The following FSTL4 variants were observed in gnomAD, a reference collection of about 807,000 sequenced individuals.
FSTL4 encodes follistatin-related protein 4.
FSTL4 carries 28 observed loss-of-function variants against 78.2 expected under a neutral mutation model. That is an observed-to-expected ratio of 0.36 (90% CI 0.27 to 0.49). The LOEUF is 0.49. Ranked by LOEUF, FSTL4 falls within the 20% of genes least tolerant of loss-of-function variation. The probability of loss-of-function intolerance (pLI) is 0.98; values close to 1 mark genes in which losing one functional copy is unlikely to be tolerated. For missense variants in FSTL4, 922 were observed against 1,084.9 expected (o/e 0.85, Z 2.11); for synonymous variants, 422 against 440.5 (o/e 0.96, Z 0.53).
At chr5:133,641,273 A>AAC in the FSTL4 span, among the ~76,000 whole-genome samples, 1 of 151,440 alleles carries the variant, frequency 6.6e-6, no homozygotes, top group Non-Finnish European at 1.5e-5. Flanking sequence ...CAAAAACAAA[A>AAC]AAAAACACGT....
chr5:133,638,778 G>T, the FSTL4 span, among the ~76,000 whole-genome samples: 108,285 of 150,816 alleles, frequency 0.72, 38,695 homozygotes, highest in African/African-American at 0.78. Context: ...AGGGCTGGAC[G>T]TTTTTTCGTA....
At chr5:133,251,907 A>C (rs6596116) in intron 6 of FSTL4, among the ~76,000 whole-genome samples, 7,231 of 152,214 alleles carry the variant, frequency 0.048, 554 homozygotes, top group African/African-American at 0.16. Flanking sequence ...ACCCGCGAGT[A>C]CACCAGACTG....
chr5:133,654,560 T>C, the FSTL4 span, among the ~76,000 whole-genome samples: 1 of 152,204 alleles, frequency 6.6e-6, no homozygotes, highest in African/African-American at 2.4e-5. Flanking sequence ...CTCTATGGTT[T>C]TCCAGGGATC....
At chr5:133,740,280 C>T in the FSTL4 span, among the ~76,000 whole-genome samples, 1 of 152,274 alleles carries the variant, frequency 6.6e-6, no homozygotes, top group African/African-American at 2.4e-5. Context: ...ACATCAAACT[C>T]TAAGAGTGGG....
At chr5:133,713,606 T>C in the FSTL4 span, among the ~76,000 whole-genome samples, 1 of 152,174 alleles carries the variant, frequency 6.6e-6, no homozygotes, top group Admixed American at 6.5e-5. Flanking sequence ...TGGAGGATCC[T>C]TCCATCTTCC....
intron 7 of FSTL4, among the ~76,000 whole-genome samples, chr5:133,234,141 G>A (rs1751588279): frequency 6.6e-6 from 1 of 152,184 alleles, no homozygotes; most frequent in Non-Finnish European, 1.5e-5. Flanking sequence ...GCTGCAGTTG[G>A]CCTGCCTATG....
At chr5:133,527,656 G>GAA (rs1759164841) in intron 3 of FSTL4, among the ~76,000 whole-genome samples, 1 of 152,256 alleles carries the variant, frequency 6.6e-6, no homozygotes, top group South Asian at 2.1e-4. Context: ...AGAGTAGCAA[G>GAA]AGTCATTCAC....
chr5:133,825,795 C>T, the FSTL4 span, among the ~76,000 whole-genome samples: 3 of 152,202 alleles, frequency 2.0e-5, no homozygotes, highest in Admixed American at 6.5e-5. Flanking sequence ...CTCCAGCTGT[C>T]GGTGACATCT....
intron 3 of FSTL4, among the ~76,000 whole-genome samples, chr5:133,540,720 CAAAA>C (rs79162509): frequency 1.3e-4 from 9 of 70,246 alleles, no homozygotes; most frequent in African/African-American, 4.0e-4. Context: ...TTAACATAGG[CAAAA>C]AAAAAAAAAA....
At chr5:133,725,809 G>C in the FSTL4 span, among the ~76,000 whole-genome samples, 1 of 152,316 alleles carries the variant, frequency 6.6e-6, no homozygotes, top group East Asian at 1.9e-4. Context: ...GAAAAGAGCA[G>C]TTTACCTTAT....
At chr5:133,362,398 G>C (rs1262175687) in intron 4 of FSTL4, among the ~76,000 whole-genome samples, 1 of 152,204 alleles carries the variant, frequency 6.6e-6, no homozygotes, top group African/African-American at 2.4e-5. Context: ...GTTCTAAAAA[G>C]TCGGCACTGG....
At chr5:133,281,941 C>T (rs575126212) in intron 6 of FSTL4, among the ~76,000 whole-genome samples, 8 of 152,176 alleles carry the variant, frequency 5.3e-5, no homozygotes, top group Admixed American at 2.6e-4. Flanking sequence ...GACTAGAGAC[C>T]AGGCCAGAGC....
chr5:133,796,065 A>G, the FSTL4 span, among the ~76,000 whole-genome samples: 1 of 152,054 alleles, frequency 6.6e-6, no homozygotes, highest in East Asian at 1.9e-4. Context: ...CACTCCTCCA[A>G]CCACTTTCCC....
At chr5:133,653,370 C>G in the FSTL4 span, among the ~76,000 whole-genome samples, 1 of 152,140 alleles carries the variant, frequency 6.6e-6, no homozygotes. Context: ...ACAAGGCACC[C>G]CAGCCAATTG....
At chr5:133,380,877 G>A (rs1258878835) in intron 4 of FSTL4, among the ~76,000 whole-genome samples, 1 of 151,422 alleles carries the variant, frequency 6.6e-6, no homozygotes, top group Non-Finnish European at 1.5e-5. Flanking sequence ...GTATAAAAAG[G>A]ATTATACATC....
intron 7 of FSTL4, 53 bp downstream of exon 7, chr5:133,249,357 G>A: frequency 7.0e-6 from 10 of 1,423,010 alleles, no homozygotes; most frequent in Middle Eastern, 1.8e-4. Flanking sequence ...CTTACCCAGT[G>A]TACTCTCCCA....
the FSTL4 span, among the ~76,000 whole-genome samples, chr5:133,788,423 G>A: frequency 1.3e-5 from 2 of 152,234 alleles, no homozygotes; most frequent in African/African-American, 4.8e-5. Flanking sequence ...CTCACACGAG[G>A]CCTAAAATGC....
chr5:133,446,786 T>C (rs977205213), intron 3 of FSTL4, among the ~76,000 whole-genome samples: 3 of 152,194 alleles, frequency 2.0e-5, no homozygotes, highest in Non-Finnish European at 4.4e-5. Flanking sequence ...CTTCTGATGG[T>C]GGATCCAGGT....
the FSTL4 span, among the ~76,000 whole-genome samples, chr5:133,797,562 C>A: frequency 5.4e-4 from 82 of 152,294 alleles, no homozygotes; most frequent in African/African-American, 1.8e-3. Context: ...GGGGTATAAC[C>A]AGGCATGTCC....
Sources: gnomAD v4.1 joint callset for allele counts (sites outside exome capture counted in the v4.1 genomes callset) on GRCh38, gnomAD v4.1.1 for gene constraint, MANE v1.5 for transcripts, NCBI Gene and HGNC (gene_info 2026-07-23, HGNC 2026-07-21) for gene names.